Variants in SLC35D4 observed in about 807,000 individuals in gnomAD.
SLC35D4 encodes the protein UDP-N-acetylglucosamine transporter SLC35D4.
At chr18:23,307,448 T>G in the SLC35D4 span, among the ~76,000 whole-genome samples, 3 of 152,362 alleles carry the variant, frequency 2.0e-5, no homozygotes, top group South Asian at 2.1e-4. Flanking sequence ...ATAGATAACA[T>G]TCTTAACTCT....
At chr18:23,430,828 C>G in the SLC35D4 span, 1 of 717,812 alleles carries the variant, frequency 1.4e-6, no homozygotes, top group East Asian at 2.7e-5. Context: ...AAATCACAAA[C>G]TGGGCAAACA....
At chr18:23,358,408 G>A in the SLC35D4 span, among the ~76,000 whole-genome samples, 1 of 151,788 alleles carries the variant, frequency 6.6e-6, no homozygotes, top group Admixed American at 6.6e-5. Context: ...CTAAAGAGCA[G>A]AAGTGTGGTC....
At chr18:23,432,287 CAG>C in the SLC35D4 span, among the ~76,000 whole-genome samples, 1 of 152,064 alleles carries the variant, frequency 6.6e-6, no homozygotes, top group Non-Finnish European at 1.5e-5. Flanking sequence ...TGCTAAAGAA[CAG>C]AGAAAAAAGA....
the SLC35D4 span, among the ~76,000 whole-genome samples, chr18:23,397,239 C>T: frequency 6.6e-6 from 1 of 152,294 alleles, no homozygotes; most frequent in East Asian, 1.9e-4. Flanking sequence ...AAGTCTTGAA[C>T]CAGGGCTGGC....
the SLC35D4 span, among the ~76,000 whole-genome samples, chr18:23,413,083 G>T: frequency 6.6e-6 from 1 of 152,088 alleles, no homozygotes; most frequent in Non-Finnish European, 1.5e-5. Context: ...TGCCCAGGTT[G>T]GTCTCAAACT....
chr18:23,248,538 T>TAA, the SLC35D4 span, among the ~76,000 whole-genome samples: 1 of 93,602 alleles, frequency 1.1e-5, no homozygotes, highest in East Asian at 4.1e-4. Flanking sequence ...TTTTTTTTTT[T>TAA]AAAAAAAGGC....
chr18:23,246,585 G>C, the SLC35D4 span, among the ~76,000 whole-genome samples: 1 of 151,790 alleles, frequency 6.6e-6, no homozygotes, highest in African/African-American at 2.4e-5. Flanking sequence ...TAGAGATGGG[G>C]TTTCACCGTG....
chr18:23,281,582 C>T, the SLC35D4 span, among the ~76,000 whole-genome samples: 2 of 152,182 alleles, frequency 1.3e-5, no homozygotes, highest in Non-Finnish European at 2.9e-5. Flanking sequence ...CTGCCGTGGC[C>T]TCCCCAAATG....
At chr18:23,353,933 C>T in the SLC35D4 span, among the ~76,000 whole-genome samples, 2 of 152,196 alleles carry the variant, frequency 1.3e-5, no homozygotes, top group African/African-American at 4.8e-5. Context: ...AGTAAGATTA[C>T]CTATCCCCAA....
the SLC35D4 span, among the ~76,000 whole-genome samples, chr18:23,298,457 G>T: frequency 6.6e-6 from 1 of 152,086 alleles, no homozygotes; most frequent in Non-Finnish European, 1.5e-5. Flanking sequence ...AAATCACACA[G>T]GTATCCACAC....
chr18:23,268,722 A>G, the SLC35D4 span, among the ~76,000 whole-genome samples: 31 of 152,264 alleles, frequency 2.0e-4, no homozygotes, highest in South Asian at 6.2e-3. Flanking sequence ...GCAGGTCCAC[A>G]AATCACAGCA....
chr18:23,415,841 G>C, the SLC35D4 span, among the ~76,000 whole-genome samples: 1 of 152,194 alleles, frequency 6.6e-6, no homozygotes, highest in African/African-American at 2.4e-5. Context: ...ACCTAGACAA[G>C]AGAATGACCC....
chr18:23,330,706 C>T, the SLC35D4 span, among the ~76,000 whole-genome samples: 1 of 152,186 alleles, frequency 6.6e-6, no homozygotes, highest in Admixed American at 6.5e-5. Flanking sequence ...TCCTGGCTCC[C>T]GTGACAACCT....
At chr18:23,290,887 C>A in the SLC35D4 span, among the ~76,000 whole-genome samples, 1 of 152,072 alleles carries the variant, frequency 6.6e-6, no homozygotes, top group African/African-American at 2.4e-5. Context: ...ATCCACCCGC[C>A]TCGGCCTCTG....
At chr18:23,437,756 C>T in the SLC35D4 span, 23 of 1,605,426 alleles carry the variant, frequency 1.4e-5, no homozygotes, top group South Asian at 2.6e-4. Flanking sequence ...CGTGCAATCG[C>T]TGCCTCCCGC....
chr18:23,248,512 C>CTTTTTTTTT, the SLC35D4 span, among the ~76,000 whole-genome samples: 75 of 90,716 alleles, frequency 8.3e-4, 5 homozygotes, highest in African/African-American at 2.2e-3. Context: ...GACCCTATGT[C>CTTTTTTTTT]TTTTTTTTTT....
At chr18:23,263,744 C>T in the SLC35D4 span, among the ~76,000 whole-genome samples, 1 of 152,200 alleles carries the variant, frequency 6.6e-6, no homozygotes, top group Non-Finnish European at 1.5e-5. Context: ...CCAAGCATAC[C>T]TTGGCCAGGC....
the SLC35D4 span, among the ~76,000 whole-genome samples, chr18:23,305,670 C>A: frequency 1.3e-5 from 2 of 152,176 alleles, no homozygotes; most frequent in East Asian, 3.8e-4. Context: ...AGGAACATTT[C>A]CTAATTTTTC....
the SLC35D4 span, among the ~76,000 whole-genome samples, chr18:23,277,243 C>T: frequency 3.9e-5 from 6 of 152,284 alleles, no homozygotes; most frequent in Non-Finnish European, 7.4e-5. Context: ...ATCATGGGGG[C>T]GGTTTCACCC....
Sources: gnomAD v4.1 joint callset for allele counts (sites outside exome capture counted in the v4.1 genomes callset) on GRCh38, gnomAD v4.1.1 for gene constraint, MANE v1.5 for transcripts, NCBI Gene and HGNC (gene_info 2026-07-23, HGNC 2026-07-21) for gene names.